The following EBF3 variants were observed in gnomAD, a reference collection of about 807,000 sequenced individuals.
The protein encoded by EBF3 is EBF transcription factor 3, also known as transcription factor COE3.
A neutral mutation model predicts 77.1 loss-of-function variants in EBF3; 18 were observed. That is an observed-to-expected ratio of 0.23 (90% CI 0.16 to 0.35). The LOEUF (loss-of-function observed/expected upper bound fraction) is 0.35, where lower values mean the gene tolerates loss of function less well. Among genes scored for constraint, EBF3 ranks in the 10% least tolerant of loss-of-function variants. The pLI is 1.00. For missense variants in EBF3, 558 were observed against 860.0 expected (o/e 0.65, Z 4.39); for synonymous variants, 350 against 343.5 (o/e 1.02, Z -0.21).
intron 6 of EBF3, among the ~76,000 whole-genome samples, chr10:129,881,885 A>G (rs981347581): frequency 1.4e-4 from 21 of 152,310 alleles, no homozygotes; most frequent in Middle Eastern, 3.4e-3. Flanking sequence ...AGTTGTGGCC[A>G]CCACTGCACC....
chr10:129,942,977 G>A (rs1475802070), intron 6 of EBF3, among the ~76,000 whole-genome samples: 1 of 152,152 alleles, frequency 6.6e-6, no homozygotes, highest in Non-Finnish European at 1.5e-5. Context: ...CTAATTTACA[G>A]CATGCACTTA....
intron 6 of EBF3, among the ~76,000 whole-genome samples, chr10:129,893,133 G>T (rs1854137278): frequency 1.3e-5 from 2 of 152,182 alleles, no homozygotes; most frequent in African/African-American, 4.8e-5. Context: ...GAAATGGCAT[G>T]GGCTTTCATT....
At chr10:129,918,730 C>A (rs1239980494) in intron 6 of EBF3, among the ~76,000 whole-genome samples, 1 of 152,226 alleles carries the variant, frequency 6.6e-6, no homozygotes, top group Non-Finnish European at 1.5e-5. Context: ...TGTGCACATG[C>A]AGGTGTGATT....
At chr10:129,858,911 A>G (rs911052154) in intron 10 of EBF3, among the ~76,000 whole-genome samples, 9 of 152,154 alleles carry the variant, frequency 5.9e-5, no homozygotes, top group Admixed American at 5.9e-4. Flanking sequence ...ACCTCTAAGA[A>G]ACTTTCCTCC....
intron 6 of EBF3, among the ~76,000 whole-genome samples, chr10:129,953,925 G>T (rs1408353105): frequency 6.6e-6 from 1 of 152,228 alleles, no homozygotes; most frequent in African/African-American, 2.4e-5. Context: ...TGGAATGCAC[G>T]GGTGAAACAG....
chr10:129,926,673 C>A (rs1856696720), intron 6 of EBF3, among the ~76,000 whole-genome samples: 1 of 151,892 alleles, frequency 6.6e-6, no homozygotes, highest in Non-Finnish European at 1.5e-5. Flanking sequence ...ACTCACTACC[C>A]AAAAAAGGTG....
intron 6 of EBF3, among the ~76,000 whole-genome samples, chr10:129,925,604 A>AAAAG (rs1171494674): frequency 6.6e-6 from 1 of 151,134 alleles, no homozygotes; most frequent in African/African-American, 2.4e-5. Context: ...AAAAAAAAAA[A>AAAAG]AAAGAAAGAA....
At chr10:129,962,088 A>G (rs573370) in intron 4 of EBF3, 83 bp downstream of exon 4, 781,640 of 1,320,292 alleles carry the variant, frequency 0.59, 235,520 homozygotes, top group Non-Finnish European at 0.61. Context: ...CACGAGATCC[A>G]TTTGTCAGTG....
chr10:129,955,268 A>C (rs1858954912), intron 6 of EBF3, among the ~76,000 whole-genome samples: 1 of 152,232 alleles, frequency 6.6e-6, no homozygotes, highest in South Asian at 2.1e-4. Flanking sequence ...ACGGTGATTA[A>C]AATTTCTATA....
chr10:129,907,429 G>T lies in EBF3; in HGVS notation c.555-29580C>A, dbSNP rs545439108. On this transcript the variant is annotated intron_variant, in intron 6 of 16. Coordinates refer to ENST00000440978, the MANE Select transcript of EBF3 (RefSeq NM_001375380.1). ...TTTATATTTTGAATTAAAACAAATG[G>T]TCTCCTCTTAAACAGAATTTGATTA... 3.3e-5 allele frequency among the ~76,000 whole-genome samples: 5 copies of T among 152,270 alleles called. No individual in the cohort carries two copies. The East Asian group carries it at 9.7e-4, about 29-fold the overall frequency.
intron 6 of EBF3, among the ~76,000 whole-genome samples, chr10:129,930,736 C>T (rs936115577): frequency 2.7e-5 from 4 of 147,004 alleles, no homozygotes; most frequent in African/African-American, 5.0e-5. Flanking sequence ...CTGTCTATAT[C>T]TATCTCTATA....
intron 6 of EBF3, among the ~76,000 whole-genome samples, chr10:129,881,077 T>C (rs191761041): frequency 6.6e-6 from 1 of 152,200 alleles, no homozygotes; most frequent in African/African-American, 2.4e-5. Flanking sequence ...ACAACCACTT[T>C]ACATATCTCA....
At chr10:129,955,212 T>C (rs1858950304) in intron 6 of EBF3, among the ~76,000 whole-genome samples, 1 of 152,218 alleles carries the variant, frequency 6.6e-6, no homozygotes, top group South Asian at 2.1e-4. Context: ...GTACATTGTA[T>C]TTGTCATTTC....
intron 6 of EBF3, among the ~76,000 whole-genome samples, chr10:129,919,323 A>C (rs2134344053): frequency 6.6e-6 from 1 of 152,150 alleles, no homozygotes; most frequent in Non-Finnish European, 1.5e-5. Context: ...TGGAGGGAAC[A>C]GTGGAGGCGG....
At chr10:129,942,404 A>C (rs1037470578) in intron 6 of EBF3, among the ~76,000 whole-genome samples, 21 of 152,236 alleles carry the variant, frequency 1.4e-4, no homozygotes, top group African/African-American at 4.8e-4. Flanking sequence ...GGAAAGGCCT[A>C]CAGTTAGGTA....
Position 129,842,264 on chromosome 10 carries a change from G to A in EBF3, c.1224C>T (p.Ile408=), listed in dbSNP as rs376451705. The change falls in exon 13 of 17, where the codon ATC becomes ATT. Residue 408 remains isoleucine (I), a synonymous_variant. Transcript: ENST00000440978. The surrounding 1 kb of genome is among the most constrained non-coding windows in gnomAD (Gnocchi z 4.4). ...GGGGAACGCTGTACAGCGCCTCGGC[G>A]ATGTCCGCCGCTCGCTTCAAGATGA... ...QEIILKRAAD[I]AEALYSVPRN... 7.9e-5 allele frequency: 127 copies of A among 1,608,216 alleles called. No individual in the cohort carries two copies. Among genetic ancestry groups the A allele is most frequent in the East Asian group, 5.1e-4 (23 of 44,682 alleles).
In EBF3 at chr10:129,944,891, G is replaced by A. The variant is rs748537932; in HGVS notation, c.554+12367C>T. 6.6e-6 allele frequency among the ~76,000 whole-genome samples: 1 copy of A among 150,766 alleles called. No individual in the cohort carries two copies. Among genetic ancestry groups the A allele is most frequent in the African/African-American group, 2.5e-5 (1 of 40,816 alleles). On this transcript the variant is annotated intron_variant, in intron 6 of 16. Transcript: ENST00000440978. This position sits in a 1 kb window ranked among gnomAD's most constrained non-coding sequence, Gnocchi z 5.1. The stretch of plus-strand genomic sequence containing the variant: ...ATGTACGAAAATGTCAGGAGAACTG[G>A]GCATTTAAAGCTTGATTTTTTAAAA...
rs1853484599 is a variant in EBF3, at chr10:129,885,178, C to T, written c.555-7329G>A. 6.6e-6 allele frequency among the ~76,000 whole-genome samples: 1 copy of T among 152,154 alleles called. No homozygotes were observed. The highest frequency in any genetic ancestry group is 2.4e-5 in the African/African-American group (1 of 41,428). ...TAGATACCATGATCTTGTACTTTTG[C>T]AATGATTCTCATTAAAATGATGCCA... On this transcript the variant is annotated intron_variant, in intron 6 of 16. Transcript: ENST00000440978. This position sits in a 1 kb window ranked among gnomAD's most constrained non-coding sequence, Gnocchi z 4.0.
At chr10:129,919,999 T>G (rs567533) in intron 6 of EBF3, among the ~76,000 whole-genome samples, 2 of 125,068 alleles carry the variant, frequency 1.6e-5, no homozygotes, top group Admixed American at 7.6e-5. Flanking sequence ...AGGAGGGCCA[T>G]AAACCCGCCC....
Sources: gnomAD v4.1 joint callset for allele counts (sites outside exome capture counted in the v4.1 genomes callset) on GRCh38, gnomAD v4.1.1 for gene constraint, Gnocchi (gnomAD v3.1) non-coding constraint, MANE v1.5 for transcripts, NCBI Gene and HGNC (gene_info 2026-07-23, HGNC 2026-07-21) for gene names.